The following PLPPR1 variants were observed in gnomAD, a reference collection of about 807,000 sequenced individuals.
The protein encoded by PLPPR1 is phospholipid phosphatase-related protein type 1.
Under a neutral mutation model 33.1 loss-of-function variants are expected in PLPPR1, and 10 were observed. The ratio of observed to expected loss-of-function variants is 0.30; its 90% confidence interval spans 0.19 to 0.51. The LOEUF (loss-of-function observed/expected upper bound fraction) is 0.51, where lower values mean the gene tolerates loss of function less well. Ranked by LOEUF, PLPPR1 falls within the 20% of genes least tolerant of loss-of-function variation. PLPPR1 has a pLI of 0.97. For synonymous variants in PLPPR1, 151 were observed against 151.0 expected (o/e 1.00, Z 0.00); for missense variants, 304 against 408.1 (o/e 0.74, Z 2.20).
chr9:101,107,627 G>A (rs1396936921), intron 1 of PLPPR1, among the ~76,000 whole-genome samples: 1 of 83,082 alleles, frequency 1.2e-5, no homozygotes, highest in Non-Finnish European at 2.3e-5. Flanking sequence ...GCCCCTAGAG[G>A]TGGAGCCTAC....
chr9:101,217,065 G>A (rs10989438), intron 2 of PLPPR1, among the ~76,000 whole-genome samples: 5,529 of 152,078 alleles, frequency 0.036, 153 homozygotes, highest in South Asian at 0.11. Flanking sequence ...GTAGATTAGC[G>A]TATAACCCAT....
At chr9:101,207,010 A>T (rs919047923) in intron 2 of PLPPR1, among the ~76,000 whole-genome samples, 3 of 152,188 alleles carry the variant, frequency 2.0e-5, no homozygotes, top group African/African-American at 7.2e-5. Context: ...GAATATAAAC[A>T]TGCAATAAGT....
chr9:101,153,682 C>T (rs1249849439), intron 1 of PLPPR1, among the ~76,000 whole-genome samples: 1 of 152,170 alleles, frequency 6.6e-6, no homozygotes, highest in Non-Finnish European at 1.5e-5. Flanking sequence ...TCACACCATT[C>T]TTCTGCCTCA....
intron 1 of PLPPR1, among the ~76,000 whole-genome samples, chr9:101,054,059 CT>C (rs1830253750): frequency 6.6e-6 from 1 of 152,036 alleles, no homozygotes; most frequent in Non-Finnish European, 1.5e-5. Context: ...TGGCACACAC[CT>C]GTAGTTTCAG....
At chr9:101,192,197 T>A (rs549483584) in intron 2 of PLPPR1, among the ~76,000 whole-genome samples, 129 of 152,214 alleles carry the variant, frequency 8.5e-4, no homozygotes, top group Non-Finnish European at 7.8e-4. Flanking sequence ...TTTGGCCCTT[T>A]ACTTGCAGGT....
Position 101,066,501 on chromosome 9 carries a change from T to G in PLPPR1, c.-46+37399T>G, listed in dbSNP as rs564303658. Among the ~76,000 whole-genome samples, 4 of 152,146 alleles carry G rather than the reference T, an allele frequency of 2.6e-5. No individual in the cohort carries two copies. In the South Asian group the frequency reaches 8.3e-4, roughly 32 times the overall value. Reference sequence around the variant, plus strand: ...TATCAATTTAAGTTATTTGGAATTCTTCTGTACAGGAGATTCATTTCTTCT... The same window carrying G: ...TATCAATTTAAGTTATTTGGAATTCGTCTGTACAGGAGATTCATTTCTTCT... On this transcript the variant is annotated intron_variant, in intron 1 of 7. Transcript: ENST00000374874.
intron 1 of PLPPR1, among the ~76,000 whole-genome samples, chr9:101,101,886 C>A (rs1164131218): frequency 2.0e-5 from 3 of 152,104 alleles, no homozygotes; most frequent in African/African-American, 7.2e-5. Flanking sequence ...AAACTTTTTC[C>A]TTTAAAGCCA....
chr9:101,225,221 G>A (rs1164083738), intron 2 of PLPPR1, among the ~76,000 whole-genome samples: 4 of 152,148 alleles, frequency 2.6e-5, no homozygotes, highest in African/African-American at 9.7e-5. Context: ...TCTGTCATTT[G>A]GACTCATTTA....
At chr9:101,039,922 T>TA (rs36061660) in intron 1 of PLPPR1, among the ~76,000 whole-genome samples, 146 of 134,968 alleles carry the variant, frequency 1.1e-3, no homozygotes, top group African/African-American at 1.6e-3. Context: ...TATTGCCTCC[T>TA]AAAAAAAAAA....
chr9:101,167,085 G>A lies in PLPPR1; in HGVS notation c.-45-18365G>A, dbSNP rs369187391. On this transcript the variant is annotated intron_variant, in intron 1 of 7. Coordinates refer to ENST00000374874, the MANE Select transcript of PLPPR1 (RefSeq NM_207299.2). ...AAACACTGTTCCAGAGAGTAGACAT[G>A]CAGATAGATTTGGTATTTCAACTCC... Among the ~76,000 whole-genome samples, 13 of 133,662 alleles carry A rather than the reference G, an allele frequency of 9.7e-5. No homozygotes were observed. The Admixed American group carries it at 9.9e-4, about 10-fold the overall frequency. The allele number at this position is 133,662 out of a possible 152,430, so 87.7% of individuals were successfully genotyped here.
chr9:101,194,023 A>G (rs770428630), intron 2 of PLPPR1, among the ~76,000 whole-genome samples: 1 of 152,210 alleles, frequency 6.6e-6, no homozygotes, highest in African/African-American at 2.4e-5. Flanking sequence ...AGCTTAAAGA[A>G]TATTTTTACA....
At chr9:101,126,735 C>CT (rs893472688) in intron 1 of PLPPR1, among the ~76,000 whole-genome samples, 10 of 152,130 alleles carry the variant, frequency 6.6e-5, no homozygotes, top group African/African-American at 1.7e-4. Flanking sequence ...GTAAAACATA[C>CT]TTTTTTTCAG....
chr9:101,305,220 CGTGCATGT>C (rs1430799159), intron 4 of PLPPR1, among the ~76,000 whole-genome samples: 1 of 151,130 alleles, frequency 6.6e-6, no homozygotes, highest in Non-Finnish European at 1.5e-5. Context: ...TGTGTGTGTG[CGTGCATGT>C]GTGCATGCGC....
chr9:101,043,802 C>T (rs758665691), intron 1 of PLPPR1, among the ~76,000 whole-genome samples: 7 of 151,882 alleles, frequency 4.6e-5, no homozygotes, highest in Non-Finnish European at 8.8e-5. Context: ...TGCACCCCAA[C>T]ATCTATTTTT....
chr9:101,200,950 T>C (rs1394597181), intron 2 of PLPPR1, among the ~76,000 whole-genome samples: 1 of 152,212 alleles, frequency 6.6e-6, no homozygotes, highest in Non-Finnish European at 1.5e-5. Flanking sequence ...TAAGAAAATA[T>C]ATGAGCCTGA....
chr9:101,256,058 T>C (rs971823487), intron 2 of PLPPR1, among the ~76,000 whole-genome samples: 5 of 152,278 alleles, frequency 3.3e-5, no homozygotes, highest in South Asian at 2.1e-4. Flanking sequence ...CCCATTTCTC[T>C]GGCCATACAC....
At chr9:101,291,854 A>G (rs1828515880) in intron 4 of PLPPR1, among the ~76,000 whole-genome samples, 2 of 152,218 alleles carry the variant, frequency 1.3e-5, no homozygotes, top group Admixed American at 6.5e-5. Context: ...AACAGAACAG[A>G]AAAACTGGAA....
At chr9:101,204,103 C>T (rs1265274493) in intron 2 of PLPPR1, among the ~76,000 whole-genome samples, 1 of 152,154 alleles carries the variant, frequency 6.6e-6, no homozygotes, top group Non-Finnish European at 1.5e-5. Flanking sequence ...GATTCCCTAT[C>T]TTTTAGTGTT....
rs370592990 is a variant in PLPPR1, at chr9:101,174,965, C to A, written c.-45-10485C>A. Among the ~76,000 whole-genome samples, 5 of 152,098 alleles carry A rather than the reference C, an allele frequency of 3.3e-5. No individual in the cohort carries two copies. In the East Asian group the frequency reaches 5.8e-4, roughly 18 times the overall value. ...TCTTATCCTTGAAGTATTCTAATTA[C>A]GAGAGTTTGTGCATAATGAGCTTCA... is the stretch of plus-strand genomic sequence containing the variant. On this transcript the variant is annotated intron_variant, in intron 1 of 7. Coordinates refer to ENST00000374874, the MANE Select transcript of PLPPR1 (RefSeq NM_207299.2).
Sources: gnomAD v4.1 joint callset for allele counts (sites outside exome capture counted in the v4.1 genomes callset) on GRCh38, gnomAD v4.1.1 for gene constraint, MANE v1.5 for transcripts, NCBI Gene and HGNC (gene_info 2026-07-23, HGNC 2026-07-21) for gene names.